Variants in FGGY observed in about 807,000 individuals in gnomAD.
FGGY encodes FGGY carbohydrate kinase domain-containing protein.
FGGY carries 72 observed loss-of-function variants against 71.3 expected under a neutral mutation model. The ratio of observed to expected loss-of-function variants is 1.01; its 90% CI spans 0.84 to 1.23. The LOEUF is 1.23. Among genes scored for constraint, FGGY ranks in the 50% most tolerant of loss-of-function variants. The pLI is 0.00. For missense variants in FGGY, 668 were observed against 682.3 expected (o/e 0.98, Z 0.23); for synonymous variants, 251 against 250.3 (o/e 1.00, Z -0.02).
At chr1:59,607,279 C>T (rs945048553) in intron 8 of FGGY, among the ~76,000 whole-genome samples, 20 of 152,202 alleles carry the variant, frequency 1.3e-4, no homozygotes, top group African/African-American at 4.8e-4. Flanking sequence ...ACCCAGCAGC[C>T]TTGTAGGGCA....
At chr1:59,409,434 G>A (rs143522347) in intron 5 of FGGY, among the ~76,000 whole-genome samples, 11 of 152,254 alleles carry the variant, frequency 7.2e-5, no homozygotes, top group East Asian at 3.9e-4. Context: ...TATTCAAGCC[G>A]TTGAGAAAGG....
intron 5 of FGGY, among the ~76,000 whole-genome samples, chr1:59,444,006 A>T (rs2153481978): frequency 6.6e-6 from 1 of 152,358 alleles, no homozygotes; most frequent in South Asian, 2.1e-4. Context: ...AAGAAGCCAG[A>T]ATCATAAGCC....
chr1:59,301,937 A>G (rs2042823518), intron 1 of FGGY, among the ~76,000 whole-genome samples: 1 of 145,990 alleles, frequency 6.8e-6, no homozygotes, highest in Non-Finnish European at 1.5e-5. Context: ...GGGTTTCTCC[A>G]TGTTGGTCAG....
chr1:59,436,819 G>A (rs901069421), intron 5 of FGGY, among the ~76,000 whole-genome samples: 1 of 152,146 alleles, frequency 6.6e-6, no homozygotes, highest in African/African-American at 2.4e-5. Flanking sequence ...AAGTACTTTG[G>A]CTTTTACTGT....
chr1:59,558,928 G>A (rs1353833147), intron 8 of FGGY, among the ~76,000 whole-genome samples: 7 of 152,240 alleles, frequency 4.6e-5, no homozygotes, highest in African/African-American at 1.7e-4. Context: ...CTGCACATCT[G>A]TTTTAGGCTG....
intron 7 of FGGY, among the ~76,000 whole-genome samples, chr1:59,519,958 G>T (rs1349892837): frequency 6.6e-6 from 1 of 152,202 alleles, no homozygotes; most frequent in Non-Finnish European, 1.5e-5. Flanking sequence ...AATGTCTGGG[G>T]ACAGTTTTGT....
At chr1:59,426,859 A>G (rs1258817544) in intron 5 of FGGY, among the ~76,000 whole-genome samples, 1 of 88,360 alleles carries the variant, frequency 1.1e-5, no homozygotes, top group Non-Finnish European at 2.4e-5. Context: ...ATTAACACTG[A>G]AAAAAAAAAA....
intron 6 of FGGY, among the ~76,000 whole-genome samples, chr1:59,506,463 G>A (rs533841949): frequency 4.1e-4 from 63 of 152,288 alleles, no homozygotes; most frequent in African/African-American, 1.5e-3. Context: ...ATGGCAAGGT[G>A]GGATTCTGAC....
At chr1:59,620,376 C>G (rs1040086741) in intron 9 of FGGY, among the ~76,000 whole-genome samples, 22 of 151,736 alleles carry the variant, frequency 1.4e-4, no homozygotes, top group African/African-American at 5.3e-4. Flanking sequence ...ACTCCTAGCA[C>G]TGTTGGGCAA....
chr1:59,300,475 T>A (rs1438333736), intron 1 of FGGY, among the ~76,000 whole-genome samples: 1 of 152,210 alleles, frequency 6.6e-6, no homozygotes, highest in Non-Finnish European at 1.5e-5. Flanking sequence ...TTAATTTTGA[T>A]GAAGTCTAAT....
At chr1:59,541,540 C>T (rs780128951) in intron 7 of FGGY, among the ~76,000 whole-genome samples, 9 of 152,124 alleles carry the variant, frequency 5.9e-5, no homozygotes, top group Non-Finnish European at 1.3e-4. Context: ...TTCCAAAGAA[C>T]TCACAAGAAA....
intron 6 of FGGY, among the ~76,000 whole-genome samples, chr1:59,477,488 GC>G: frequency 1.3e-5 from 2 of 152,158 alleles, no homozygotes; most frequent in African/African-American, 4.8e-5. Flanking sequence ...AAGTTTGCCT[GC>G]TGCTTAGACA....
At chr1:59,525,149 C>T (rs2094942313) in intron 7 of FGGY, among the ~76,000 whole-genome samples, 1 of 152,228 alleles carries the variant, frequency 6.6e-6, no homozygotes. Context: ...GTGGAGCTGG[C>T]ACCTGTGCCA....
intron 6 of FGGY, among the ~76,000 whole-genome samples, chr1:59,485,742 T>C (rs377466363): frequency 1.3e-5 from 2 of 152,172 alleles, no homozygotes; most frequent in African/African-American, 4.8e-5. Flanking sequence ...TACTATTTAC[T>C]AGGAACTGTT....
At chr1:59,509,528 C>T (rs2094469473) in intron 6 of FGGY, among the ~76,000 whole-genome samples, 1 of 152,186 alleles carries the variant, frequency 6.6e-6, no homozygotes, top group Non-Finnish European at 1.5e-5. Flanking sequence ...TCTGCCTCCC[C>T]AGCTTCCTCT....
At chr1:59,326,793 A>G (rs2047516702) in intron 2 of FGGY, among the ~76,000 whole-genome samples, 1 of 151,878 alleles carries the variant, frequency 6.6e-6, no homozygotes, top group Non-Finnish European at 1.5e-5. Context: ...CTATCACTCT[A>G]CTACAGGCAT....
intron 11 of FGGY, among the ~76,000 whole-genome samples, chr1:59,652,062 A>G (rs1336703050): frequency 6.6e-6 from 1 of 151,372 alleles, no homozygotes; most frequent in Non-Finnish European, 1.5e-5. Context: ...CTTTTCTTTA[A>G]GAATGTTGAA....
At chr1:59,358,486 C>A (rs930525669) in intron 4 of FGGY, among the ~76,000 whole-genome samples, 6 of 151,972 alleles carry the variant, frequency 3.9e-5, no homozygotes, top group Non-Finnish European at 7.4e-5. Context: ...AGCCATTACC[C>A]GCCCTGCCAC....
chr1:59,446,775 T>G (rs922088602), intron 5 of FGGY, among the ~76,000 whole-genome samples: 1 of 152,202 alleles, frequency 6.6e-6, no homozygotes, highest in Non-Finnish European at 1.5e-5. Context: ...GCTGGTTCGA[T>G]TGAGACTCTC....
Sources: allele counts gnomAD v4.1 joint callset (sites outside exome capture counted in the v4.1 genomes callset), GRCh38; gene constraint gnomAD v4.1.1; transcripts MANE v1.5; gene names NCBI Gene and HGNC (gene_info 2026-07-23, HGNC 2026-07-21).